EXOC6: variants seen among roughly 807,000 people sequenced by gnomAD.
EXOC6 encodes the protein SEC15-like 1.
Under a neutral mutation model 112.5 loss-of-function variants are expected in EXOC6, and 60 were observed. The observed-to-expected ratio is 0.53, with a 90% confidence interval of 0.43 to 0.66. EXOC6 has a LOEUF of 0.66. Ranked by LOEUF, EXOC6 falls within the 30% of genes least tolerant of loss-of-function variation. EXOC6 has a pLI of 0.00. For missense variants in EXOC6, 855 were observed against 957.1 expected (o/e 0.89, Z 1.41); for synonymous variants, 295 against 308.0 (o/e 0.96, Z 0.44).
chr10:92,994,966 AT>A (rs1843421591), intron 18 of EXOC6, among the ~76,000 whole-genome samples: 1 of 152,026 alleles, frequency 6.6e-6, no homozygotes, highest in Admixed American at 6.6e-5. Context: ...CATTTAAAAA[AT>A]ATTGTATAAT....
At chr10:93,043,619 G>T (rs1845885907) in intron 20 of EXOC6, among the ~76,000 whole-genome samples, 2 of 152,310 alleles carry the variant, frequency 1.3e-5, no homozygotes, top group Non-Finnish European at 2.9e-5. Flanking sequence ...GTCTTAACAG[G>T]ATAACAGCCT....
chr10:92,869,949 C>CTTTTTTT (rs34082304), intron 1 of EXOC6, among the ~76,000 whole-genome samples: 3 of 100,016 alleles, frequency 3.0e-5, no homozygotes, highest in African/African-American at 3.8e-5. Flanking sequence ...GGCTTGTGGG[C>CTTTTTTT]TTTTTTTTTT....
Position 92,934,346 on chromosome 10 carries a change from C to A in EXOC6, c.1056C>A (p.Thr352=), listed in dbSNP as rs892726938. 3.9e-5 allele frequency: 63 copies of A among 1,596,528 alleles called. No homozygotes were observed. Among genetic ancestry groups the A allele is most frequent in the Non-Finnish European group, 5.3e-5 (62 of 1,173,864 alleles). Residue 352 remains threonine, a synonymous_variant, in exon 11 of 22, where the codon ACC becomes ACA. Transcript: ENST00000260762. ...FVVEDHILHV[T]QGLVTRAYTD... The stretch of plus-strand genomic sequence containing the variant: ...TAGAAGATCACATTTTACATGTGAC[C>A]CAAGGATTAGTAACCAGGGCATACA...
At position 93,034,496 on chromosome 10, in the gene EXOC6, C is replaced by T. The variant is rs1228483620; in HGVS notation, c.2169+20229C>T. On this transcript the variant is annotated intron_variant, in intron 20 of 21. Transcript: ENST00000260762. ...ACATCACCATAGAAAGATAGGAAAA[C>T]CCTGATAAACATACACTTGTATTTG... Among the ~76,000 whole-genome samples, 6 of 152,198 alleles carry T rather than the reference C, an allele frequency of 3.9e-5. 1 individual carries two copies. Among genetic ancestry groups the T allele is most frequent in the African/African-American group, 1.4e-4 (6 of 41,446 alleles).
intron 1 of EXOC6, among the ~76,000 whole-genome samples, chr10:92,888,498 A>G (rs1189191951): frequency 1.3e-5 from 2 of 152,234 alleles, no homozygotes; most frequent in African/African-American, 4.8e-5. Flanking sequence ...AAAAGGGATA[A>G]CAGTATCTCC....
intron 1 of EXOC6, among the ~76,000 whole-genome samples, chr10:92,858,022 T>TCCC (rs370524059): frequency 0.045 from 4,472 of 99,974 alleles, 588 homozygotes; most frequent in East Asian, 0.053. Context: ...GTTGACGGGT[T>TCCC]CCCCCCCTCC....
chr10:92,940,621 A>G (rs182030199), intron 12 of EXOC6, 106 bp from the exon 13 acceptor site: 107 of 687,186 alleles, frequency 1.6e-4, no homozygotes, highest in Non-Finnish European at 2.2e-4. Context: ...ATGGCATGCA[A>G]TGGGATCTAG....
intron 20 of EXOC6, among the ~76,000 whole-genome samples, chr10:93,039,007 G>GTATA (rs150551940): frequency 5.3e-5 from 8 of 150,906 alleles, no homozygotes; most frequent in African/African-American, 1.7e-4. Context: ...ACCTATATAT[G>GTATA]TATATATATA....
chr10:93,007,026 T>C (rs1844019372), intron 19 of EXOC6, among the ~76,000 whole-genome samples: 1 of 151,178 alleles, frequency 6.6e-6, no homozygotes, highest in South Asian at 2.1e-4. Flanking sequence ...TCCTACCCTG[T>C]ATGGATGTTT....
chr10:92,858,022 T>TCTC (rs1847697751), intron 1 of EXOC6, among the ~76,000 whole-genome samples: 1 of 101,268 alleles, frequency 9.9e-6, no homozygotes, highest in African/African-American at 3.6e-5. Context: ...GTTGACGGGT[T>TCTC]CCCCCCCTCC....
chr10:92,858,865 A>G (rs1360585169), intron 1 of EXOC6, among the ~76,000 whole-genome samples: 1 of 152,154 alleles, frequency 6.6e-6, no homozygotes, highest in Non-Finnish European at 1.5e-5. Flanking sequence ...GCCCAGGTTC[A>G]AGCAATTCTC....
intron 9 of EXOC6, among the ~76,000 whole-genome samples, chr10:92,931,853 A>T (rs556724284): frequency 2.6e-5 from 4 of 152,202 alleles, no homozygotes; most frequent in African/African-American, 9.6e-5. Context: ...ATAAAATTAT[A>T]CTGCCACTTT....
rs1055804635 is a variant in EXOC6, at chr10:93,000,518, C to A, written c.2095+2903C>A. Among the ~76,000 whole-genome samples the A allele has an allele frequency of 7.9e-5, 12 of 152,228 alleles. No individual in the cohort carries two copies. The South Asian group carries it at 2.5e-3, about 32-fold the overall frequency. ...AGTATGAGCTATAACTCAAAAAAGCCTGGGGCCATTTGCAAGAGGGGTAAA... is the reference window on the plus strand; with the variant it reads ...AGTATGAGCTATAACTCAAAAAAGCATGGGGCCATTTGCAAGAGGGGTAAA... On this transcript the variant is annotated intron_variant, in intron 19 of 21. Transcript: ENST00000260762.
At chr10:92,893,568 C>A in intron 2 of EXOC6, 48 bp downstream of exon 2, 1 of 1,478,130 alleles carries the variant, frequency 6.8e-7, no homozygotes, top group South Asian at 1.3e-5. Flanking sequence ...TTAAATTACT[C>A]AAGTCTTAGT....
intron 1 of EXOC6, among the ~76,000 whole-genome samples, chr10:92,868,815 CTTTT>C (rs370569114): frequency 7.4e-6 from 1 of 135,894 alleles, no homozygotes. Context: ...CTCCCTCCCT[CTTTT>C]TTTTTTTTTT....
At chr10:92,846,938 T>C (rs936593306), upstream of EXOC6, among the ~76,000 whole-genome samples, 4 of 152,184 alleles carry the variant, frequency 2.6e-5, no homozygotes, top group African/African-American at 9.6e-5. Flanking sequence ...CAGAGGAAGA[T>C]GTGACCACAG....
At chr10:93,011,344 C>T (rs1336827402) in intron 19 of EXOC6, among the ~76,000 whole-genome samples, 1 of 151,910 alleles carries the variant, frequency 6.6e-6, no homozygotes, top group Non-Finnish European at 1.5e-5. Context: ...GCAGCCTCAA[C>T]CTCCTGGGCT....
intron 20 of EXOC6, among the ~76,000 whole-genome samples, chr10:93,044,103 C>T (rs1309763357): frequency 9.2e-5 from 14 of 152,202 alleles, no homozygotes. Context: ...TCAGCTTCAG[C>T]ATAGTTTGAT....
At chr10:92,913,973 A>T (rs185944736) in intron 6 of EXOC6, among the ~76,000 whole-genome samples, 1 of 152,328 alleles carries the variant, frequency 6.6e-6, no homozygotes, top group Non-Finnish European at 1.5e-5. Context: ...TATATTGGGT[A>T]AGTTAACATT....
Sources: gnomAD v4.1 joint callset for allele counts (sites outside exome capture counted in the v4.1 genomes callset) on GRCh38, gnomAD v4.1.1 for gene constraint, MANE v1.5 for transcripts, NCBI Gene and HGNC (gene_info 2026-07-23, HGNC 2026-07-21) for gene names.